GNAL: variants seen among roughly 807,000 people sequenced by gnomAD.
GNAL encodes the protein G protein subunit alpha L, also known as guanine nucleotide-binding protein G(olf) subunit alpha.
GNAL carries 18 observed loss-of-function variants against 55.1 expected under a neutral mutation model. The ratio of observed to expected loss-of-function variants is 0.33; its 90% confidence interval spans 0.23 to 0.48. GNAL has a LOEUF of 0.48. Among genes scored for constraint, GNAL ranks in the 20% least tolerant of loss-of-function variants. GNAL has a pLI of 0.99. For missense variants in GNAL, 412 were observed against 614.1 expected, an observed-to-expected ratio of 0.67 and a Z score of 3.48; for synonymous variants, 253 against 237.0, an observed-to-expected ratio of 1.07 and a Z score of -0.62.
chr18:11,732,380 ATGTT>A (rs1439939044), intron 1 of GNAL, among the ~76,000 whole-genome samples: 1 of 152,202 alleles, frequency 6.6e-6, no homozygotes, highest in African/African-American at 2.4e-5. Flanking sequence ...TGGATGTGAG[ATGTT>A]ATTCACTGTG....
intron 1 of GNAL, among the ~76,000 whole-genome samples, chr18:11,697,994 A>G (rs921801295): frequency 6.6e-6 from 1 of 152,062 alleles, no homozygotes; most frequent in Non-Finnish European, 1.5e-5. Context: ...TGCCACCCGG[A>G]GAGGACATGC....
chr18:11,868,472 G>A lies in GNAL; in HGVS notation c.911-71G>A. ...TTTTTGTGGAACTGAGTAGCTGCTG[G>A]GTGTGTACTTTCTTGTAACTCCACA... On this transcript the variant is annotated intron_variant, in intron 8 of 11. Coordinates refer to ENST00000334049, the MANE Select transcript of GNAL (RefSeq NM_182978.4). The surrounding 1 kb of genome is among the most constrained non-coding windows in gnomAD (Gnocchi z 4.0). 3 of 1,286,656 alleles carry A rather than the reference G, an allele frequency of 2.3e-6. No homozygotes were observed. Among genetic ancestry groups the A allele is most frequent in the Non-Finnish European group, 3.3e-6 (3 of 912,522 alleles). The allele number at this position is 1,286,656 out of a possible 1,614,324, so 79.7% of individuals were successfully genotyped here.
chr18:11,864,502 ACTCAGCTTGTTTCC>A lies in GNAL; in HGVS notation c.778-27_778-14del, dbSNP rs1333953916. The A allele has an allele frequency of 8.7e-7, 1 of 1,146,276 alleles. No homozygotes were observed. Among genetic ancestry groups the A allele is most frequent in the Non-Finnish European group, 1.3e-6 (1 of 752,402 alleles). The allele number at this position is 1,146,276 out of a possible 1,614,324, so 71.0% of individuals were successfully genotyped here. A position where few individuals can be genotyped will look rare whatever the true frequency, so the allele number is the denominator to read the frequency against. ...TACCTTGAAGAAGAACAGTAATGTAACTCAGCTTGTTTCCCTCTTCTTGTTCCCAGGACCTCCTC... is the reference window on the plus strand; with the variant it reads ...TACCTTGAAGAAGAACAGTAATGTAACTCTTCTTGTTCCCAGGACCTCCTC... On this transcript the variant is annotated splice_polypyrimidine_tract_variant and intron_variant, in intron 6 of 11. Transcript: ENST00000334049.
Position 11,769,020 on chromosome 18 carries a change from T to TA in GNAL, c.624+15075_624+15076insA, listed in dbSNP as rs2033529326. Among the ~76,000 whole-genome samples, 2 of 103,026 alleles carry TA rather than the reference T, an allele frequency of 1.9e-5. 1 individual carries two copies. The highest frequency in any genetic ancestry group is 1.0e-4 in the African/African-American group (2 of 19,894). The allele number at this position is 103,026 out of a possible 152,430, so 67.6% of individuals were successfully genotyped here. A position where few individuals can be genotyped will look rare whatever the true frequency, so the allele number is the denominator to read the frequency against. On this transcript the variant is annotated intron_variant, in intron 4 of 11. Transcript: ENST00000334049. ...TAATATAGAATATATATATTCTATATTATAATATATTATATATAATATATA... is the reference window on the plus strand; with the variant it reads ...TAATATAGAATATATATATTCTATATATATAATATATTATATATAATATATA...
intron 5 of GNAL, among the ~76,000 whole-genome samples, chr18:11,846,542 A>C (rs2035745283): frequency 1.3e-5 from 2 of 150,808 alleles, no homozygotes; most frequent in Non-Finnish European, 1.5e-5. Flanking sequence ...ATTATAGCTC[A>C]TTGTAGTCTC....
intron 11 of GNAL, among the ~76,000 whole-genome samples, chr18:11,880,689 T>C (rs2036660446): frequency 6.6e-6 from 1 of 152,224 alleles, no homozygotes; most frequent in Admixed American, 6.5e-5. Context: ...GACATTCCCA[T>C]TGTCACAGAA....
In GNAL at chr18:11,807,523, T is replaced by C. The variant is rs116092565; in HGVS notation, c.625-17395T>C. On this transcript the variant is annotated intron_variant, in intron 4 of 11. Transcript: ENST00000334049. ...AAGGAGTTTGGCCTAAGCCGGGCCG[T>C]GGGGGGAAACCGCAGGTGGAGCAGG... 5.1e-3 allele frequency among the ~76,000 whole-genome samples: 772 copies of C among 152,204 alleles called. 4 individuals carry two copies. Among genetic ancestry groups the C allele is most frequent in the African/African-American group, 0.017 (723 of 41,534 alleles).
chr18:11,804,069 G>A (rs963529714), intron 4 of GNAL, among the ~76,000 whole-genome samples: 5 of 150,892 alleles, frequency 3.3e-5, no homozygotes, highest in Non-Finnish European at 3.0e-5. Flanking sequence ...GGAACACGGA[G>A]ATACTGTGTA....
Position 11,872,386 on chromosome 18 carries a change from G to A in GNAL, c.1150G>A (p.Val384Ile). 6.4e-7 allele frequency: 1 copy of A among 1,552,966 alleles called. No homozygotes were observed. Among genetic ancestry groups the A allele is most frequent in the Non-Finnish European group, 8.7e-7 (1 of 1,151,998 alleles). ...DYFPEYANYT[V>I]PEDATPDAGE... ...TTTCCCAGAATATGCAAATTATACT[G>A]TTCCTGAAGACGGTAAGATTTCAAA... The change falls in exon 10 of 12, where the codon GTT becomes ATT. Residue 384 changes from valine to isoleucine, a missense_variant. Transcript: ENST00000334049.
chr18:11,845,439 A>AG (rs1178791812), intron 5 of GNAL, among the ~76,000 whole-genome samples: 3 of 326 alleles, frequency 9.2e-3, no homozygotes, highest in South Asian at 0.12. Flanking sequence ...TCTTGAAAAT[A>AG]AAAAAAAAAG....
intron 5 of GNAL, chr18:11,851,719 G>A (rs1376895764): frequency 6.2e-7 from 1 of 1,614,038 alleles, no homozygotes. Context: ...GAGAATGAGT[G>A]CGCGAGTCGA....
chr18:11,752,923 C>A lies in GNAL; in HGVS notation c.447C>A (p.Pro149=). 6.3e-7 allele frequency: 1 copy of A among 1,585,740 alleles called. No individual in the cohort carries two copies. Among genetic ancestry groups the A allele is most frequent in the South Asian group, 1.1e-5 (1 of 90,408 alleles). Residue 149 remains proline, a splice_region_variant and synonymous_variant, in exon 2 of 12, where the codon CCC becomes CCA. Transcript: ENST00000334049. This position sits in a 1 kb window ranked among gnomAD's most constrained non-coding sequence, Gnocchi z 4.5. ...MRILHVNGFN[P]EEKKQKILDI... The stretch of plus-strand genomic sequence containing the variant: ...TCCTGCACGTCAATGGGTTTAATCC[C>A]GAGTAAGAATGTTCAGTTTGCTTCC...
rs971599764 is a variant in GNAL at position 11,882,820 on chromosome 18, G to A, written c.*1685G>A. On this transcript the variant is annotated 3_prime_UTR_variant, in exon 12 of 12. Transcript: ENST00000334049. Reference sequence around the variant, plus strand: ...TCTGAAGTATAAAGTCAAAAGATACGGCTCTTTCTCACACTTGCAAGACTT... The same window carrying A: ...TCTGAAGTATAAAGTCAAAAGATACAGCTCTTTCTCACACTTGCAAGACTT... 1.3e-5 allele frequency: 2 copies of A among 152,046 alleles called. No individual in the cohort carries two copies. Among genetic ancestry groups the A allele is most frequent in the African/African-American group, 2.4e-5 (1 of 41,386 alleles). 9.4% of individuals were successfully genotyped at this position (152,046 alleles called of 1,614,324 possible). A position where few individuals can be genotyped will look rare whatever the true frequency, so the allele number is the denominator to read the frequency against.
At chr18:11,790,422 T>C (rs554020687) in intron 4 of GNAL, among the ~76,000 whole-genome samples, 38 of 152,188 alleles carry the variant, frequency 2.5e-4, no homozygotes, top group Non-Finnish European at 5.0e-4. Context: ...GATGTGTTGT[T>C]TACAATAATG....
At chr18:11,821,802 A>T (rs2035098709) in intron 4 of GNAL, among the ~76,000 whole-genome samples, 1 of 152,180 alleles carries the variant, frequency 6.6e-6, no homozygotes, top group Non-Finnish European at 1.5e-5. Flanking sequence ...CAGGGGCCCC[A>T]GTAAATGCTT....
At chr18:11,779,315 G>T (rs190213555) in intron 4 of GNAL, among the ~76,000 whole-genome samples, 2 of 152,330 alleles carry the variant, frequency 1.3e-5, no homozygotes, top group Admixed American at 6.5e-5. Flanking sequence ...CTTCCCACCA[G>T]TGGCAAATAG....
At chr18:11,844,411 G>A (rs1281099291) in intron 5 of GNAL, among the ~76,000 whole-genome samples, 1 of 152,176 alleles carries the variant, frequency 6.6e-6, no homozygotes, top group Non-Finnish European at 1.5e-5. Flanking sequence ...TCCAACCTGG[G>A]TGACAAGAGC....
At chr18:11,755,375 G>A (rs1302172622) in intron 4 of GNAL, among the ~76,000 whole-genome samples, 1 of 152,154 alleles carries the variant, frequency 6.6e-6, no homozygotes, top group Non-Finnish European at 1.5e-5. Flanking sequence ...CCGGGTTCAC[G>A]CCATTCTCCT....
At chr18:11,862,258 CAAAGT>C in intron 5 of GNAL, 132 bp from the exon 6 acceptor site, 1 of 599,516 alleles carries the variant, frequency 1.7e-6, no homozygotes, top group Non-Finnish European at 3.1e-6. Context: ...ATTCAGGAAA[CAAAGT>C]AAGAACTCAC....
Sources: gnomAD v4.1 joint callset for allele counts (sites outside exome capture counted in the v4.1 genomes callset) on GRCh38, gnomAD v4.1.1 for gene constraint, Gnocchi (gnomAD v3.1) non-coding constraint, MANE v1.5 for transcripts, NCBI Gene and HGNC (gene_info 2026-07-23, HGNC 2026-07-21) for gene names.